Variants in SHANK1 observed in about 807,000 individuals in gnomAD.
The protein encoded by SHANK1 is SH3 and multiple ankyrin repeat domains protein 1.
A neutral mutation model predicts 165.6 loss-of-function variants in SHANK1; 35 were observed. The observed-to-expected ratio is 0.21, with a 90% CI of 0.16 to 0.28. SHANK1 has a LOEUF of 0.28. SHANK1 is among the 10% of genes least tolerant of loss of function. The pLI, the probability that SHANK1 is intolerant of heterozygous loss-of-function variation, is 1.00. For missense variants in SHANK1, 2,681 were observed against 3,036.4 expected (o/e 0.88, Z 2.75); for synonymous variants, 1,428 against 1,384.8 (o/e 1.03, Z -0.69).
Position 50,673,904 on chromosome 19 carries a change from A to G in SHANK1, c.2578-1790T>C, listed in dbSNP as rs151217703. Among the ~76,000 whole-genome samples the G allele has an allele frequency of 3.4e-4, 51 of 151,684 alleles. 2 individuals carry two copies. In the East Asian group the frequency reaches 9.5e-3, roughly 28 times the overall value. ...GGCCTCCCGGGCCCAAGCGATCCCA[A>G]CCCCAACCTTCTGAGTAGCTGGGAC... is the stretch of plus-strand genomic sequence containing the variant. On this transcript the variant is annotated intron_variant, in intron 21 of 23. Transcript: ENST00000293441.
intron 21 of SHANK1, among the ~76,000 whole-genome samples, chr19:50,682,917 G>A (rs973669652): frequency 6.6e-6 from 1 of 152,038 alleles, no homozygotes; most frequent in Non-Finnish European, 1.5e-5. Flanking sequence ...CCTCAACCTC[G>A]GAGGCTCAGG....
At chr19:50,707,024 T>A (rs2088946868) in intron 8 of SHANK1, among the ~76,000 whole-genome samples, 1 of 152,202 alleles carries the variant, frequency 6.6e-6, no homozygotes, top group Admixed American at 6.5e-5. Context: ...GTGATCCGCC[T>A]GCCTTGGCTT....
intron 21 of SHANK1, among the ~76,000 whole-genome samples, chr19:50,674,475 T>C (rs1985912189): frequency 6.6e-6 from 1 of 152,166 alleles, no homozygotes; most frequent in Non-Finnish European, 1.5e-5. Flanking sequence ...TTCACAACCA[T>C]TCCCAGTTCC....
chr19:50,702,360 G>A lies in SHANK1; in HGVS notation c.1747+107C>T, dbSNP rs1034846510. Reference sequence around the variant, plus strand: ...TGGGGCTCTCTGAGGTCTCCAGAGTGCATGAGATACTCCAGGTGCCCGAGA... The same window carrying A: ...TGGGGCTCTCTGAGGTCTCCAGAGTACATGAGATACTCCAGGTGCCCGAGA... On this transcript the variant is annotated intron_variant, in intron 12 of 23. Transcript: ENST00000293441. This position sits in a 1 kb window ranked among gnomAD's most constrained non-coding sequence, Gnocchi z 5.3. 4.1e-6 allele frequency: 4 copies of A among 972,200 alleles called. No individual in the cohort carries two copies. The highest frequency in any genetic ancestry group is 6.0e-6 in the Non-Finnish European group (4 of 666,436). The allele number at this position is 972,200 out of a possible 1,614,324, so 60.2% of individuals were successfully genotyped here.
At chr19:50,687,898 G>A in intron 18 of SHANK1, 25 bp downstream of exon 18, 1 of 1,613,298 alleles carries the variant, frequency 6.2e-7, no homozygotes, top group Non-Finnish European at 8.5e-7. Context: ...CAGTGGGGTG[G>A]CTGCGAGAGT....
chr19:50,666,559 G>A lies in SHANK1; in HGVS notation c.5401C>T (p.Arg1801Cys), dbSNP rs745777736. Residue 1801 changes from arginine to cysteine, a missense_variant, in exon 23 of 24, where the codon CGT becomes TGT. By Grantham distance (180) the Arg-to-Cys change is radical. Around this residue, in one of 10 missense-constraint regions of SHANK1, gnomAD observed 1,713 missense variants for 1,630.2 expected, o/e 1.05. Coordinates refer to ENST00000293441, the MANE Select transcript of SHANK1 (RefSeq NM_016148.5). ...GAGTDGLLAL[R>C]ACSGPPTAGV... ...GCCGTGGGGGGTCCTGAACAAGCAC[G>A]CAGGGCCAGCAGCCCATCGGTTCCA... The A allele has an allele frequency of 2.5e-6, 4 of 1,598,262 alleles. No individual in the cohort carries two copies. Among genetic ancestry groups the A allele is most frequent in the South Asian group, 2.2e-5 (2 of 89,200 alleles).
chr19:50,694,727 G>T (rs1256342590), intron 15 of SHANK1, among the ~76,000 whole-genome samples: 1 of 149,480 alleles, frequency 6.7e-6, no homozygotes, highest in African/African-American at 2.5e-5. Flanking sequence ...TGAGACCAGG[G>T]GCCCGAAAGG....
At chr19:50,674,145 A>G (rs73932552) in intron 21 of SHANK1, among the ~76,000 whole-genome samples, 180 of 151,558 alleles carry the variant, frequency 1.2e-3, no homozygotes, top group African/African-American at 4.3e-3. Flanking sequence ...GGTTCATGGA[A>G]GTCATTATGA....
intron 23 of SHANK1, among the ~76,000 whole-genome samples, chr19:50,664,407 G>A (rs562858345): frequency 1.8e-4 from 27 of 152,290 alleles, no homozygotes; most frequent in African/African-American, 4.6e-4. Context: ...GCATCATCCC[G>A]TATTTCCCCA....
chr19:50,688,722 G>A lies in SHANK1; in HGVS notation c.2172+122C>T, dbSNP rs1200080246. 2.1e-6 allele frequency: 2 copies of A among 956,604 alleles called. No individual in the cohort carries two copies. The highest frequency in any genetic ancestry group is 3.1e-6 in the Non-Finnish European group (2 of 642,408). The allele number at this position is 956,604 out of a possible 1,614,324, so 59.3% of individuals were successfully genotyped here. On this transcript the variant is annotated intron_variant, in intron 17 of 23. Transcript: ENST00000293441. This position sits in a 1 kb window ranked among gnomAD's most constrained non-coding sequence, Gnocchi z 6.7. ...GCAGAGGCTGGCTGGGGGGTGGGCA[G>A]GGGGCTGGGAATCCTGGTGCCAAAG...
chr19:50,687,095 T>C (rs942455278), intron 19 of SHANK1: 20 of 1,305,466 alleles, frequency 1.5e-5, no homozygotes, highest in Non-Finnish European at 2.0e-5. Flanking sequence ...CAGGGGAAGG[T>C]GAGGGGCCCC....
intron 5 of SHANK1, 114 bp from the exon 6 acceptor site, chr19:50,714,063 C>T: frequency 6.5e-7 from 1 of 1,531,646 alleles, no homozygotes; most frequent in South Asian, 1.2e-5. Flanking sequence ...GTGGCCTCCC[C>T]CTTGGACAGC....
chr19:50,694,000 A>C (rs1205334292), intron 15 of SHANK1, among the ~76,000 whole-genome samples: 1 of 150,652 alleles, frequency 6.6e-6, no homozygotes, highest in Non-Finnish European at 1.5e-5. Flanking sequence ...TCCCTGGGAC[A>C]GACCCACTCC....
In SHANK1 at chr19:50,697,908, C is replaced by T. The variant is rs1226033830; in HGVS notation, c.1796G>A (p.Arg599His). ...GGFWEGQVKG[R>H]VGWFPSDCLE... ...GCAGTCAGAGGGGAACCAGCCAACA[C>T]GACCTTTGACCTGGCCTTCCCAGAA... The change falls in exon 13 of 24, where the codon CGT becomes CAT. Residue 599 changes from arginine to histidine, a missense_variant. This residue lies in a region of SHANK1 where 147 missense variants were observed against 256.5 expected (regional missense o/e 0.57). Coordinates refer to ENST00000293441, the MANE Select transcript of SHANK1 (RefSeq NM_016148.5). This position sits in a 1 kb window ranked among gnomAD's most constrained non-coding sequence, Gnocchi z 4.7. 1.2e-5 allele frequency: 19 copies of T among 1,614,008 alleles called. No homozygotes were observed. Among genetic ancestry groups the T allele is most frequent in the Admixed American group, 1.7e-5 (1 of 59,998 alleles).
At chr19:50,672,680 G>C (rs1047051344) in intron 21 of SHANK1, among the ~76,000 whole-genome samples, 2 of 151,380 alleles carry the variant, frequency 1.3e-5, no homozygotes, top group African/African-American at 4.9e-5. Context: ...ATCGACTCTT[G>C]ATCTGCTTCC....
Position 50,666,717 on chromosome 19 carries a change from G to C in SHANK1, c.5243C>G (p.Pro1748Arg), listed in dbSNP as rs1457878087. ...GGSSTPGPPY[P>R]PQLMTPSKLR... ...CTTAGAGGGAGTCATGAGCTGAGGA[G>C]GGTATGGCGGGCCGGGAGTACTGCT... The change falls in exon 23 of 24, where the codon CCT (proline) becomes CGT (arginine). Residue 1748 changes from proline (P) to arginine (R), a missense_variant. This residue lies in a region of SHANK1 where 1,713 missense variants were observed against 1,630.2 expected (regional missense o/e 1.05). Coordinates refer to ENST00000293441, the MANE Select transcript of SHANK1 (RefSeq NM_016148.5). 6.3e-7 allele frequency: 1 copy of C among 1,575,726 alleles called. No individual in the cohort carries two copies. The highest frequency in any genetic ancestry group is 8.6e-7 in the Non-Finnish European group (1 of 1,162,670).
At chr19:50,715,474 G>C (rs1207302908) in intron 4 of SHANK1, among the ~76,000 whole-genome samples, 185 bp downstream of exon 4, 1 of 151,978 alleles carries the variant, frequency 6.6e-6, no homozygotes. Context: ...GGGATAATGG[G>C]GGGTATTTGT....
At position 50,668,167 on chromosome 19, in the gene SHANK1, C is replaced by T. The variant is rs771276248; in HGVS notation, c.3793G>A (p.Glu1265Lys). The change falls in exon 23 of 24, where the codon GAG (glutamate) becomes AAG (lysine). Residue 1265 changes from glutamate to lysine, a missense_variant. Physicochemically the swap from Glu to Lys is moderately conservative, Grantham distance 56. Transcript: ENST00000293441. ...CCCAGCCCGCCGTCCCCGCCGTCCT[C>T]GTCCCCCGCGTCGGTGGACAGGAAC... is the stretch of plus-strand genomic sequence containing the variant. ...TLFLSTDAGDEDGGDGGLGTG... is the reference protein window; with the variant it reads ...TLFLSTDAGDKDGGDGGLGTG... The T allele has an allele frequency of 4.1e-6, 6 of 1,465,112 alleles. No homozygotes were observed. Among genetic ancestry groups the T allele is most frequent in the Admixed American group, 5.1e-5 (2 of 39,226 alleles). 90.8% of individuals were successfully genotyped at this position (1,465,112 alleles called of 1,614,324 possible). A position where few individuals can be genotyped will look rare whatever the true frequency, so the allele number is the denominator to read the frequency against.
At chr19:50,699,704 G>T (rs1986845625) in intron 12 of SHANK1, among the ~76,000 whole-genome samples, 1 of 151,910 alleles carries the variant, frequency 6.6e-6, no homozygotes, top group Admixed American at 6.5e-5. Context: ...GGCATTGGAG[G>T]AATGGAGGGG....
Sources: gnomAD v4.1 joint callset for allele counts (sites outside exome capture counted in the v4.1 genomes callset) on GRCh38, gnomAD v4.1.1 for gene constraint, gnomAD v4.1.1 regional missense constraint, Gnocchi (gnomAD v3.1) non-coding constraint, MANE v1.5 for transcripts, NCBI Gene and HGNC (gene_info 2026-07-23, HGNC 2026-07-21) for gene names.